COBL: variants seen among roughly 807,000 people sequenced by gnomAD.
COBL encodes the protein cordon-bleu WH2 repeat protein.
In COBL, 51 loss-of-function variants were observed where a neutral mutation model predicts 98.8. That is an observed-to-expected ratio of 0.52 (90% CI 0.41 to 0.65). COBL has a LOEUF of 0.65. Among genes scored for constraint, COBL ranks in the 30% least tolerant of loss-of-function variants. The pLI, the probability that COBL is intolerant of heterozygous loss-of-function variation, is 0.00. For missense variants in COBL, 1,617 were observed against 1,617.5 expected, an observed-to-expected ratio of 1.00 and a Z score of 0.01; for synonymous variants, 634 against 651.7, an observed-to-expected ratio of 0.97 and a Z score of 0.41.
At chr7:51,122,015 T>C (rs1797779624) in intron 6 of COBL, among the ~76,000 whole-genome samples, 1 of 152,210 alleles carries the variant, frequency 6.6e-6, no homozygotes, top group African/African-American at 2.4e-5. Context: ...CAAAGCCAGC[T>C]TCCCACTTCC....
chr7:51,172,595 A>T, intron 5 of COBL: 1 of 1,193,552 alleles, frequency 8.4e-7, no homozygotes, highest in Non-Finnish European at 1.1e-6. Flanking sequence ...CATAGTCCTT[A>T]GCGATCATTA....
At position 51,110,962 on chromosome 7, in the gene COBL, C is replaced by T. The variant is rs555617376; in HGVS notation, c.957+25196G>A. Among the ~76,000 whole-genome samples, 17 of 152,344 alleles carry T rather than the reference C, an allele frequency of 1.1e-4. No homozygotes were observed. In the South Asian group the frequency reaches 2.7e-3, roughly 24 times the overall value. ...TCGATGGGCATTTGGGTTGGTTCCA[C>T]GATTTTGCAATTGTGAATTGTGCTG... On this transcript the variant is annotated intron_variant, in intron 6 of 12. Transcript: ENST00000265136.
intron 1 of COBL, among the ~76,000 whole-genome samples, chr7:51,244,813 G>A (rs184135474): frequency 2.1e-4 from 32 of 152,266 alleles, no homozygotes; most frequent in South Asian, 2.1e-3. Flanking sequence ...CGCCCAACAT[G>A]TTCTTGTCCT....
intron 1 of COBL, among the ~76,000 whole-genome samples, chr7:51,243,144 G>C (rs1009658705): frequency 1.3e-5 from 2 of 152,228 alleles, no homozygotes; most frequent in African/African-American, 2.4e-5. Context: ...GGCATGAACT[G>C]ATGTAAGAGA....
At chr7:51,177,189 C>G (rs1298158557) in intron 5 of COBL, among the ~76,000 whole-genome samples, 1 of 152,090 alleles carries the variant, frequency 6.6e-6, no homozygotes, top group African/African-American at 2.4e-5. Flanking sequence ...GCACCTAGGC[C>G]AAGAGCTGTG....
intron 4 of COBL, among the ~76,000 whole-genome samples, chr7:51,184,422 TGG>T (rs1434793708): frequency 6.6e-6 from 1 of 152,212 alleles, no homozygotes; most frequent in Non-Finnish European, 1.5e-5. Flanking sequence ...TTAGGAATGA[TGG>T]AGGCATTTTC....
chr7:51,192,378 T>C (rs780560989), intron 3 of COBL, among the ~76,000 whole-genome samples: 1 of 152,072 alleles, frequency 6.6e-6, no homozygotes, highest in East Asian at 1.9e-4. Flanking sequence ...GAGGCTGAGG[T>C]GGGTGGATCA....
chr7:51,068,804 C>T (rs1792229633), intron 7 of COBL, among the ~76,000 whole-genome samples: 1 of 152,198 alleles, frequency 6.6e-6, no homozygotes, highest in Admixed American at 6.5e-5. Context: ...TCTTCCTACA[C>T]TTCACTTTGC....
chr7:51,193,548 T>C lies in COBL; in HGVS notation c.287A>G (p.Asn96Ser). Reference sequence around the variant, plus strand: ...GGCATGGTGGGATGGATTCAGGTGGTTCTGAAGGCAAAGTTCAACCAGTAG... The same window carrying C: ...GGCATGGTGGGATGGATTCAGGTGGCTCTGAAGGCAAAGTTCAACCAGTAG... ...MDLLVELCLQ[N>S]HLNPSHHALE... Residue 96 changes from asparagine to serine, a missense_variant, in exon 3 of 13, where the codon AAC (asparagine) becomes AGC (serine). By Grantham distance (46) the Asn-to-Ser change is conservative (BLOSUM62 1). Transcript: ENST00000265136. The C allele has an allele frequency of 2.5e-6, 4 of 1,614,150 alleles. No individual in the cohort carries two copies. Among genetic ancestry groups the C allele is most frequent in the Non-Finnish European group, 3.4e-6 (4 of 1,180,026 alleles).
intron 1 of COBL, among the ~76,000 whole-genome samples, chr7:51,253,624 T>C (rs1796940920): frequency 6.6e-6 from 1 of 152,256 alleles, no homozygotes; most frequent in Non-Finnish European, 1.5e-5. Flanking sequence ...CTTCCACAGT[T>C]AGAACTTCCA....
At chr7:51,078,623 A>C (rs1248767629) in intron 7 of COBL, among the ~76,000 whole-genome samples, 1 of 152,250 alleles carries the variant, frequency 6.6e-6, no homozygotes, top group Non-Finnish European at 1.5e-5. Context: ...TAAAACAGTA[A>C]GCATTGACTA....
intron 7 of COBL, among the ~76,000 whole-genome samples, chr7:51,076,691 A>G (rs1793105146): frequency 6.6e-6 from 1 of 152,088 alleles, no homozygotes; most frequent in Non-Finnish European, 1.5e-5. Flanking sequence ...TCAATTAGCT[A>G]GAAATAGTAT....
At chr7:51,094,924 T>C (rs767775674) in intron 6 of COBL, among the ~76,000 whole-genome samples, 1 of 152,192 alleles carries the variant, frequency 6.6e-6, no homozygotes, top group East Asian at 1.9e-4. Flanking sequence ...TGAAGTTAAA[T>C]TGTTATCAAT....
intron 2 of COBL, among the ~76,000 whole-genome samples, chr7:51,203,268 CT>C (rs1361332661): frequency 8.5e-6 from 1 of 118,050 alleles, no homozygotes; most frequent in Non-Finnish European, 1.7e-5. Context: ...CGAGACCATC[CT>C]GGCTAACACG....
intron 2 of COBL, among the ~76,000 whole-genome samples, chr7:51,218,210 T>C (rs1380316828): frequency 2.0e-5 from 3 of 152,362 alleles, no homozygotes; most frequent in East Asian, 1.9e-4. Context: ...TAAAATACTT[T>C]TGAAAAATGT....
chr7:51,167,861 T>C (rs568907385), intron 5 of COBL, among the ~76,000 whole-genome samples: 1 of 152,152 alleles, frequency 6.6e-6, no homozygotes, highest in African/African-American at 2.4e-5. Context: ...GATATTCATA[T>C]GCAGAAGAAT....
At chr7:51,032,553 T>C (rs1374190017) in intron 8 of COBL, 1 of 152,234 alleles carries the variant, frequency 6.6e-6, no homozygotes. Context: ...TTTATTCTGA[T>C]AAATGAGTCT....
intron 8 of COBL, chr7:51,034,325 A>G (rs1231877190): frequency 6.6e-6 from 1 of 152,264 alleles, no homozygotes; most frequent in African/African-American, 2.4e-5. Flanking sequence ...TCTGGCCACC[A>G]CGCAGCCCAG....
chr7:51,254,581 C>T (rs962057005), intron 1 of COBL, among the ~76,000 whole-genome samples: 9 of 152,134 alleles, frequency 5.9e-5, no homozygotes, highest in Non-Finnish European at 1.5e-5. Context: ...CCCCATTTTT[C>T]CATCCTCTTT....
Sources: gnomAD v4.1 joint callset for allele counts (sites outside exome capture counted in the v4.1 genomes callset) on GRCh38, gnomAD v4.1.1 for gene constraint, MANE v1.5 for transcripts, NCBI Gene and HGNC (gene_info 2026-07-23, HGNC 2026-07-21) for gene names.